The following PEX5L variants were observed in gnomAD, a reference collection of about 807,000 sequenced individuals.
The protein encoded by PEX5L is peroxisomal biogenesis factor 5 like.
In PEX5L, 30 loss-of-function variants were observed where a neutral mutation model predicts 84.0. The ratio of observed to expected loss-of-function variants is 0.36; its 90% confidence interval spans 0.27 to 0.48. The LOEUF (loss-of-function observed/expected upper bound fraction) is 0.48, where lower values mean the gene tolerates loss of function less well. Ranked by LOEUF, PEX5L falls within the 20% of genes least tolerant of loss-of-function variation. The pLI is 0.99. For synonymous variants in PEX5L, 270 were observed against 283.1 expected, an observed-to-expected ratio of 0.95 and a Z score of 0.46; for missense variants, 533 against 754.6, an observed-to-expected ratio of 0.71 and a Z score of 3.44.
chr3:179,888,072 A>G (rs551214470), intron 3 of PEX5L: 1 of 996,996 alleles, frequency 1.0e-6, no homozygotes, highest in Non-Finnish European at 1.4e-6. Flanking sequence ...TATATAGAAA[A>G]TGACACGTAT....
intron 2 of PEX5L, among the ~76,000 whole-genome samples, chr3:179,928,692 T>C (rs1772176663): frequency 1.3e-5 from 2 of 152,188 alleles, no homozygotes; most frequent in South Asian, 4.1e-4. Flanking sequence ...TAAAACTCAG[T>C]GATTCTTATA....
intron 10 of PEX5L, among the ~76,000 whole-genome samples, chr3:179,813,823 C>A (rs957338306): frequency 6.6e-5 from 10 of 151,890 alleles, no homozygotes; most frequent in African/African-American, 2.2e-4. Context: ...ACTACAGGCG[C>A]CCGCCACCGC....
intron 2 of PEX5L, among the ~76,000 whole-genome samples, chr3:179,956,687 T>A (rs970069393): frequency 6.6e-6 from 1 of 152,226 alleles, no homozygotes; most frequent in Non-Finnish European, 1.5e-5. Context: ...TTGGCTGTGG[T>A]CAGCCTCAGG....
intron 1 of PEX5L, among the ~76,000 whole-genome samples, chr3:179,994,751 G>A (rs560484552): frequency 5.3e-5 from 8 of 152,054 alleles, no homozygotes; most frequent in Non-Finnish European, 7.4e-5. Context: ...TCTTTATCTG[G>A]GTGGGCATCA....
At chr3:179,867,282 G>T (rs1748672619) in intron 7 of PEX5L, among the ~76,000 whole-genome samples, 3 of 151,960 alleles carry the variant, frequency 2.0e-5, no homozygotes, top group Non-Finnish European at 4.4e-5. Context: ...AAAATTTTGG[G>T]TTTTTTTCCT....
intron 2 of PEX5L, among the ~76,000 whole-genome samples, chr3:179,942,395 CA>C (rs1301258972): frequency 2.6e-5 from 4 of 152,248 alleles, no homozygotes; most frequent in African/African-American, 9.6e-5. Context: ...CCGCAGTTGC[CA>C]GAGCAATGAC....
intron 5 of PEX5L, among the ~76,000 whole-genome samples, chr3:179,875,980 G>A (rs76356799): frequency 0.021 from 3,201 of 152,186 alleles, 72 homozygotes; most frequent in Middle Eastern, 0.12. Flanking sequence ...AACTTTCATA[G>A]CTTTTGAATA....
At chr3:179,995,600 T>G (rs138008472) in intron 1 of PEX5L, among the ~76,000 whole-genome samples, 75 of 152,222 alleles carry the variant, frequency 4.9e-4, no homozygotes, top group Middle Eastern at 3.4e-3. Flanking sequence ...TGATGAAGCT[T>G]GTTTGTTGCT....
At chr3:179,857,530 T>G (rs1488975965) in intron 8 of PEX5L, among the ~76,000 whole-genome samples, 1 of 152,206 alleles carries the variant, frequency 6.6e-6, no homozygotes, top group East Asian at 1.9e-4. Context: ...AAACGACTTC[T>G]AAGGTCTCTA....
chr3:179,846,311 C>T (rs1193571474), intron 8 of PEX5L, among the ~76,000 whole-genome samples: 2 of 152,190 alleles, frequency 1.3e-5, no homozygotes, highest in Non-Finnish European at 2.9e-5. Context: ...GGCTATCCTA[C>T]ACCTCACACA....
rs146710973 is a variant in PEX5L, at chr3:179,856,174, A to C, written c.822+2888T>G. On this transcript the variant is annotated intron_variant, in intron 8 of 14. Transcript: ENST00000467460. ...ATAGTAATCTTACTTTCTTCATAGC[A>C]CTGCTGTGATGATTAAAGGACATAA... Among the ~76,000 whole-genome samples the C allele has an allele frequency of 2.6e-4, 39 of 152,284 alleles. No individual in the cohort carries two copies. The East Asian group carries it at 7.1e-3, about 28-fold the overall frequency.
chr3:179,839,046 A>T (rs905671229), intron 8 of PEX5L, among the ~76,000 whole-genome samples: 3 of 152,034 alleles, frequency 2.0e-5, no homozygotes, highest in African/African-American at 7.2e-5. Flanking sequence ...AGAAAAAAAA[A>T]ATCTATTTTT....
intron 1 of PEX5L, among the ~76,000 whole-genome samples, chr3:179,989,707 T>C (rs548825374): frequency 1.3e-5 from 2 of 152,326 alleles, no homozygotes; most frequent in South Asian, 4.1e-4. Flanking sequence ...TGATTGAGAA[T>C]AGTGGCTTAT....
chr3:180,013,306 A>G (rs1489538028), intron 1 of PEX5L, among the ~76,000 whole-genome samples: 1 of 152,188 alleles, frequency 6.6e-6, no homozygotes, highest in Non-Finnish European at 1.5e-5. Context: ...AAAATTCTCA[A>G]TACTTCGTTT....
At chr3:180,014,032 C>A (rs1175018732) in intron 1 of PEX5L, among the ~76,000 whole-genome samples, 1 of 152,112 alleles carries the variant, frequency 6.6e-6, no homozygotes, top group African/African-American at 2.4e-5. Context: ...AGTCTTGGCA[C>A]CATTGGGTGG....
Position 179,828,774 on chromosome 3 carries a change from T to A in PEX5L, c.823-8798A>T, listed in dbSNP as rs557266408. Among the ~76,000 whole-genome samples the A allele has an allele frequency of 3.3e-5, 5 of 152,290 alleles. No homozygotes were observed. In the South Asian group the frequency reaches 1.0e-3, roughly 32 times the overall value. ...ACAAAAACAGAGACCTTTGGTGGGC[T>A]AATTTTTGTGTATCCTGCGACCAGC... On this transcript the variant is annotated intron_variant, in intron 8 of 14. Coordinates refer to ENST00000467460, the MANE Select transcript of PEX5L (RefSeq NM_016559.3).
At chr3:179,805,195 A>G (rs1990739) in intron 14 of PEX5L, among the ~76,000 whole-genome samples, 119,033 of 142,912 alleles carry the variant, frequency 0.83, 49,664 homozygotes, top group East Asian at 0.91. Context: ...AATTCTTACC[A>G]CTTCTCAGAT....
At chr3:179,941,544 GA>G (rs1471471463) in intron 2 of PEX5L, among the ~76,000 whole-genome samples, 14 of 152,176 alleles carry the variant, frequency 9.2e-5, no homozygotes, top group African/African-American at 3.4e-4. Flanking sequence ...GAGAATCAGG[GA>G]AGGTATTTGT....
intron 11 of PEX5L, among the ~76,000 whole-genome samples, chr3:179,810,866 G>A (rs1210965511): frequency 6.6e-6 from 1 of 152,152 alleles, no homozygotes; most frequent in Admixed American, 6.5e-5. Context: ...ATTCTAATGT[G>A]CATGTGTATA....
Sources: allele counts gnomAD v4.1 joint callset (sites outside exome capture counted in the v4.1 genomes callset), GRCh38; gene constraint gnomAD v4.1.1; transcripts MANE v1.5; gene names NCBI Gene and HGNC (gene_info 2026-07-23, HGNC 2026-07-21).